Variants in SPAG16 observed in about 807,000 individuals in gnomAD.
The protein encoded by SPAG16 is sperm associated antigen 16.
A neutral mutation model predicts 80.4 loss-of-function variants in SPAG16; 86 were observed. The observed-to-expected ratio is 1.07, with a 90% CI of 0.90 to 1.28. The LOEUF is 1.28. SPAG16 is among the 50% of genes most tolerant of loss of function. The probability of loss-of-function intolerance (pLI) is 0.00; values close to 1 mark genes in which losing one functional copy is unlikely to be tolerated. For missense variants in SPAG16, 870 were observed against 765.3 expected, an observed-to-expected ratio of 1.14 and a Z score of -1.61; for synonymous variants, 294 against 265.9, an observed-to-expected ratio of 1.11 and a Z score of -1.03.
At chr2:213,403,253 C>T (rs1474928763) in intron 9 of SPAG16, among the ~76,000 whole-genome samples, 14 of 152,078 alleles carry the variant, frequency 9.2e-5, no homozygotes, top group South Asian at 4.1e-4. Flanking sequence ...TCATATCCTT[C>T]GCCCACTTTT....
chr2:214,288,756 T>TTTAC (rs1329512343), intron 15 of SPAG16, among the ~76,000 whole-genome samples: 2 of 148,128 alleles, frequency 1.4e-5, no homozygotes, highest in African/African-American at 5.0e-5. Flanking sequence ...TGCCCACTTA[T>TTTAC]TTATTTATTT....
At chr2:213,792,750 A>G (rs1333319414) in intron 10 of SPAG16, among the ~76,000 whole-genome samples, 1 of 150,652 alleles carries the variant, frequency 6.6e-6, no homozygotes, top group Non-Finnish European at 1.5e-5. Flanking sequence ...TGCCCAGCCG[A>G]AAATGAGAAT....
chr2:214,204,524 G>T (rs1045473493), intron 15 of SPAG16, among the ~76,000 whole-genome samples: 1 of 152,336 alleles, frequency 6.6e-6, no homozygotes. Context: ...ACACTACCCT[G>T]TATGAGCCCA....
chr2:214,180,889 C>T (rs2057289977), intron 15 of SPAG16, among the ~76,000 whole-genome samples: 1 of 151,632 alleles, frequency 6.6e-6, no homozygotes, highest in Admixed American at 6.6e-5. Context: ...CTAGTTTAAA[C>T]TCATGCCAAA....
intron 9 of SPAG16, among the ~76,000 whole-genome samples, chr2:213,381,433 C>A (rs557466872): frequency 6.6e-6 from 1 of 152,264 alleles, no homozygotes; most frequent in East Asian, 1.9e-4. Flanking sequence ...TGGTACGGTG[C>A]CATAACAACG....
chr2:214,283,485 G>A (rs972659114), intron 15 of SPAG16, among the ~76,000 whole-genome samples: 2 of 151,978 alleles, frequency 1.3e-5, no homozygotes, highest in Admixed American at 6.6e-5. Context: ...TTGCCACAAG[G>A]CCTATAAGTT....
intron 10 of SPAG16, among the ~76,000 whole-genome samples, chr2:213,821,977 A>G (rs1004047698): frequency 9.2e-5 from 14 of 152,132 alleles, no homozygotes; most frequent in African/African-American, 3.4e-4. Flanking sequence ...TTGCTTCCAA[A>G]TCTTGGCTAT....
intron 12 of SPAG16, among the ~76,000 whole-genome samples, chr2:214,012,469 T>G (rs1044062975): frequency 6.6e-6 from 1 of 150,872 alleles, no homozygotes; most frequent in African/African-American, 2.4e-5. Context: ...CTAATTTTTG[T>G]ATTTTTAGTA....
intron 14 of SPAG16, among the ~76,000 whole-genome samples, chr2:214,143,334 T>C (rs1375094874): frequency 1.3e-5 from 2 of 151,666 alleles, no homozygotes; most frequent in Non-Finnish European, 2.9e-5. Flanking sequence ...CAATTAGTGT[T>C]AGCTATTACT....
intron 15 of SPAG16, among the ~76,000 whole-genome samples, chr2:214,252,113 A>C: frequency 6.6e-6 from 1 of 152,122 alleles, no homozygotes; most frequent in East Asian, 1.9e-4. Flanking sequence ...TTATAGGCCA[A>C]GTCTGTAAAA....
chr2:213,828,760 C>T (rs1049622272), intron 10 of SPAG16, among the ~76,000 whole-genome samples: 9 of 152,162 alleles, frequency 5.9e-5, no homozygotes, highest in African/African-American at 1.2e-4. Flanking sequence ...CCCAAAGCCC[C>T]GTAAAGCTGT....
chr2:213,845,144 ATATC>A (rs1261509708), intron 10 of SPAG16, among the ~76,000 whole-genome samples: 1 of 152,020 alleles, frequency 6.6e-6, no homozygotes, highest in Non-Finnish European at 1.5e-5. Flanking sequence ...AGTGCATATA[ATATC>A]TAATAAAAAG....
chr2:213,350,009 T>C (rs2065238209), intron 6 of SPAG16, among the ~76,000 whole-genome samples: 1 of 152,236 alleles, frequency 6.6e-6, no homozygotes, highest in African/African-American at 2.4e-5. Context: ...ACAGATTTTT[T>C]AAAGGTATAT....
At chr2:213,921,975 T>C (rs2078245232) in intron 11 of SPAG16, among the ~76,000 whole-genome samples, 1 of 152,208 alleles carries the variant, frequency 6.6e-6, no homozygotes. Context: ...CATTTGGACC[T>C]TGGAGAATCT....
chr2:213,948,480 TG>T (rs2079567477), intron 12 of SPAG16, among the ~76,000 whole-genome samples: 2 of 152,220 alleles, frequency 1.3e-5, no homozygotes, highest in African/African-American at 4.8e-5. Context: ...TAATTTTTTT[TG>T]TTTTTATCTT....
intron 10 of SPAG16, among the ~76,000 whole-genome samples, chr2:213,804,685 C>CTAAA (rs1452187416): frequency 4.5e-5 from 2 of 44,900 alleles, no homozygotes; most frequent in African/African-American, 1.1e-4. Flanking sequence ...TCCGTCTCAA[C>CTAAA]TAACTAACTA....
chr2:213,695,894 G>T (rs774303276), intron 10 of SPAG16, among the ~76,000 whole-genome samples: 2 of 152,192 alleles, frequency 1.3e-5, no homozygotes, highest in Non-Finnish European at 2.9e-5. Context: ...GCATGGGATT[G>T]ATGTCATCCA....
At chr2:213,420,306 C>A (rs143660514) in intron 9 of SPAG16, among the ~76,000 whole-genome samples, 197 of 152,298 alleles carry the variant, frequency 1.3e-3, no homozygotes, top group African/African-American at 4.2e-3. Context: ...CATCAAAAGA[C>A]ACTGTCAGTG....
At chr2:213,633,388 T>C (rs1436746541) in intron 10 of SPAG16, among the ~76,000 whole-genome samples, 2 of 152,220 alleles carry the variant, frequency 1.3e-5, no homozygotes, top group South Asian at 4.1e-4. Flanking sequence ...TCAGAGAAGA[T>C]GCTTGATATT....
Sources: allele counts gnomAD v4.1 joint callset (sites outside exome capture counted in the v4.1 genomes callset), GRCh38; gene constraint gnomAD v4.1.1; transcripts MANE v1.5; gene names NCBI Gene and HGNC (gene_info 2026-07-23, HGNC 2026-07-21).